Variants in MAGT1 observed in about 807,000 individuals in gnomAD.
MAGT1 encodes the protein dolichyl-diphosphooligosaccharide--protein glycosyltransferase subunit MAGT1.
In MAGT1, 4 loss-of-function variants were observed where a neutral mutation model predicts 28.4. The observed-to-expected ratio is 0.14, with a 90% confidence interval of 0.07 to 0.32. MAGT1 has a LOEUF of 0.32. MAGT1 is among the 10% of genes least tolerant of loss of function. The probability of loss-of-function intolerance (pLI) is 1.00; values close to 1 mark genes in which losing one functional copy is unlikely to be tolerated. For synonymous variants in MAGT1, 89 were observed against 89.7 expected (o/e 0.99, Z 0.04); for missense variants, 193 against 264.5 (o/e 0.73, Z 1.88).
At chrX:77,895,215 A>AG in intron 1 of MAGT1, 94 bp downstream of exon 1, 1 of 976,352 alleles carries the variant, frequency 1.0e-6, no homozygotes, top group Non-Finnish European at 1.4e-6. Flanking sequence ...AAGGCATAGA[A>AG]GCGGCAGGGA....
intron 1 of MAGT1, among the ~76,000 whole-genome samples, chrX:77,894,114 T>A (rs1466815965): frequency 8.9e-6 from 1 of 111,871 alleles, no homozygotes; most frequent in African/African-American, 3.2e-5. Flanking sequence ...ACATAAAAAA[T>A]TTCTAAGACA....
chrX:77,837,966 C>G (rs782306535), intron 8 of MAGT1, among the ~76,000 whole-genome samples: 13 of 111,607 alleles, frequency 1.2e-4, no homozygotes, highest in Non-Finnish European at 2.1e-4. Context: ...TCTCGAACTC[C>G]TGACCTCAGG....
chrX:77,850,975 T>C (rs914798475), intron 7 of MAGT1, among the ~76,000 whole-genome samples: 7 of 109,726 alleles, frequency 6.4e-5, no homozygotes, highest in Non-Finnish European at 9.5e-5. Context: ...TCTGTTCTTT[T>C]TTTTTTTTTT....
intron 6 of MAGT1, among the ~76,000 whole-genome samples, 180 bp from the exon 7 acceptor site, chrX:77,854,144 A>G (rs2076975568): frequency 1.8e-5 from 2 of 111,827 alleles, no homozygotes; most frequent in Non-Finnish European, 3.8e-5. Flanking sequence ...TTTTTGTATT[A>G]TCTATTCTCG....
intron 1 of MAGT1, among the ~76,000 whole-genome samples, chrX:77,888,754 G>A (rs2077073728): frequency 9.0e-6 from 1 of 110,675 alleles, no homozygotes; most frequent in Non-Finnish European, 1.9e-5. Flanking sequence ...CCTCTAAAAT[G>A]CAACTTTCCC....
intron 8 of MAGT1, chrX:77,837,204 A>G (rs1211838934): frequency 9.0e-6 from 1 of 111,317 alleles, no homozygotes; most frequent in African/African-American, 3.3e-5. Context: ...GGCAAAGTCT[A>G]CAGCCATAGC....
intron 7 of MAGT1, among the ~76,000 whole-genome samples, chrX:77,845,410 T>C (rs782532758): frequency 1.8e-5 from 2 of 111,787 alleles, no homozygotes; most frequent in African/African-American, 6.5e-5. Context: ...CCAGTCTGTG[T>C]CTTTTAATTG....
intron 3 of MAGT1, among the ~76,000 whole-genome samples, chrX:77,870,166 G>T (rs958374780): frequency 5.4e-5 from 6 of 111,511 alleles, no homozygotes; most frequent in Admixed American, 9.6e-5. Context: ...ACCAAATATC[G>T]TTATGTTCTC....
intron 1 of MAGT1, among the ~76,000 whole-genome samples, chrX:77,891,952 CT>C (rs1199895561): frequency 1.6e-3 from 164 of 104,386 alleles, no homozygotes; most frequent in Middle Eastern, 4.8e-3. Context: ...TATATGCACA[CT>C]TTTTTTTTTT....
chrX:77,833,469 A>G (rs2076904787), intron 8 of MAGT1, among the ~76,000 whole-genome samples: 1 of 112,133 alleles, frequency 8.9e-6, no homozygotes, highest in Admixed American at 9.6e-5. Flanking sequence ...TGTGAAAACA[A>G]TAATTAAAGC....
At chrX:77,862,584 G>A (rs1228964794) in intron 3 of MAGT1, among the ~76,000 whole-genome samples, 1 of 111,509 alleles carries the variant, frequency 9.0e-6, no homozygotes, top group Non-Finnish European at 1.9e-5. Flanking sequence ...ATTAAAAAGT[G>A]GACAAAGGAC....
intron 1 of MAGT1, among the ~76,000 whole-genome samples, chrX:77,891,038 A>G (rs2077080829): frequency 9.0e-6 from 1 of 111,336 alleles, no homozygotes; most frequent in South Asian, 3.7e-4. Context: ...GTAAAGAAAT[A>G]TGAATAATTT....
intron 1 of MAGT1, among the ~76,000 whole-genome samples, chrX:77,881,471 G>A (rs1557218437): frequency 1.0e-5 from 1 of 96,100 alleles, no homozygotes; most frequent in African/African-American, 4.0e-5. Flanking sequence ...GGGTCCAGGT[G>A]TTCTCACTGT....
At chrX:77,881,727 G>T (rs781822268) in intron 1 of MAGT1, among the ~76,000 whole-genome samples, 5 of 111,024 alleles carry the variant, frequency 4.5e-5, no homozygotes. Context: ...ATAAACATAC[G>T]TGTGCATGTG....
At chrX:77,832,191 A>G (rs1481601221) in intron 8 of MAGT1, among the ~76,000 whole-genome samples, 1 of 111,600 alleles carries the variant, frequency 9.0e-6, no homozygotes. Flanking sequence ...CCAAATGCGC[A>G]AGTATGGATT....
At chrX:77,888,632 A>G (rs1484344694) in intron 1 of MAGT1, among the ~76,000 whole-genome samples, 13 of 111,700 alleles carry the variant, frequency 1.2e-4, no homozygotes, top group African/African-American at 4.2e-4. Context: ...TCACTCATCA[A>G]AAATGGAATA....
chrX:77,846,509 CTGATTT>C (rs1367505859), intron 7 of MAGT1, among the ~76,000 whole-genome samples: 2 of 112,061 alleles, frequency 1.8e-5, no homozygotes, highest in Admixed American at 1.9e-4. Flanking sequence ...GAGAGGCACT[CTGATTT>C]TTAGAATTTT....
intron 5 of MAGT1, 139 bp from the exon 6 acceptor site, chrX:77,855,729 T>C: frequency 2.3e-6 from 1 of 438,814 alleles, no homozygotes; most frequent in South Asian, 3.5e-5. Context: ...AGGCTTATAT[T>C]TCATCCCAAG....
intron 1 of MAGT1, among the ~76,000 whole-genome samples, chrX:77,887,674 A>G (rs1347544969): frequency 1.8e-5 from 2 of 112,377 alleles, no homozygotes; most frequent in Non-Finnish European, 3.7e-5. Context: ...TTCTAATAAT[A>G]CTTGAAAATT....
Sources: gnomAD v4.1 joint callset for allele counts (sites outside exome capture counted in the v4.1 genomes callset) on GRCh38, gnomAD v4.1.1 for gene constraint, MANE v1.5 for transcripts, NCBI Gene and HGNC (gene_info 2026-07-23, HGNC 2026-07-21) for gene names.